Variants in CERK observed in about 807,000 individuals in gnomAD.
CERK encodes ceramide kinase, also known as acylsphingosine kinase.
In CERK, 39 loss-of-function variants were observed where a neutral mutation model predicts 63.4. That is an observed-to-expected ratio of 0.61 (90% CI 0.48 to 0.80). The LOEUF is 0.80. Among genes scored for constraint, CERK ranks in the 30% least tolerant of loss-of-function variants. The pLI, the probability that CERK is intolerant of heterozygous loss-of-function variation, is 0.00. For synonymous variants in CERK, 302 were observed against 280.0 expected (o/e 1.08, Z -0.78); for missense variants, 670 against 714.1 (o/e 0.94, Z 0.70).
chr22:46,717,440 C>A lies in CERK; in HGVS notation c.379+2646G>T, dbSNP rs193091997. Among the ~76,000 whole-genome samples, 49 of 152,344 alleles carry A rather than the reference C, an allele frequency of 3.2e-4. No homozygotes were observed. In the South Asian group the frequency reaches 5.0e-3, roughly 15 times the overall value. On this transcript the variant is annotated intron_variant, in intron 3 of 12. Transcript: ENST00000216264. ...AACATTCACATCACGGAATACCATA[C>A]GGCCTAGAGAATGGACAAACGGCAG...
intron 1 of CERK, among the ~76,000 whole-genome samples, chr22:46,735,004 G>C (rs2082965738): frequency 6.6e-6 from 1 of 152,174 alleles, no homozygotes. Context: ...GACATCCCAA[G>C]TGGGGTTGGT....
At chr22:46,731,716 C>T (rs1340015259) in intron 1 of CERK, among the ~76,000 whole-genome samples, 3 of 152,056 alleles carry the variant, frequency 2.0e-5, no homozygotes, top group East Asian at 1.9e-4. Flanking sequence ...CTGGTGAGCA[C>T]GTGTGCCCCG....
chr22:46,704,975 T>C (rs2146560494), intron 6 of CERK, among the ~76,000 whole-genome samples: 1 of 151,570 alleles, frequency 6.6e-6, no homozygotes, highest in Non-Finnish European at 1.5e-5. Context: ...ATGAAAGAAA[T>C]ACAAATAAAG....
intron 12 of CERK, 29 bp downstream of exon 12, chr22:46,689,962 CG>C (rs763805345): frequency 3.2e-6 from 5 of 1,549,076 alleles, no homozygotes; most frequent in Non-Finnish European, 4.4e-6. Flanking sequence ...AAGGGGATGG[CG>C]CTGGTGGCTG....
chr22:46,693,798 C>G (rs2082743111), intron 9 of CERK: 6 of 388,514 alleles, frequency 1.5e-5, no homozygotes, highest in Non-Finnish European at 2.9e-5. Context: ...CTAACATAGC[C>G]TGGCTGGGAG....
intron 3 of CERK, among the ~76,000 whole-genome samples, chr22:46,713,366 G>A (rs545720936): frequency 4.5e-4 from 69 of 151,650 alleles, no homozygotes; most frequent in African/African-American, 1.6e-3. Context: ...AAAATTAGCC[G>A]GGCGTGGTGG....
At chr22:46,715,500 A>G (rs903636027) in intron 3 of CERK, among the ~76,000 whole-genome samples, 1 of 152,192 alleles carries the variant, frequency 6.6e-6, no homozygotes, top group African/African-American at 2.4e-5. Context: ...CGTAAATGCC[A>G]CAGGGTCAAG....
chr22:46,723,668 T>C (rs2082903641), intron 1 of CERK, among the ~76,000 whole-genome samples: 1 of 151,586 alleles, frequency 6.6e-6, no homozygotes, highest in South Asian at 2.1e-4. Flanking sequence ...CTGAACAACA[T>C]GGGCTTAACC....
intron 9 of CERK, 54 bp from the exon 10 acceptor site, chr22:46,693,557 G>T: frequency 7.1e-7 from 1 of 1,400,774 alleles, no homozygotes; most frequent in Non-Finnish European, 1.0e-6. Context: ...GGTGCAGTGC[G>T]TATGCTTGGC....
intron 12 of CERK, among the ~76,000 whole-genome samples, chr22:46,688,171 A>G (rs1285085050): frequency 1.3e-5 from 2 of 152,140 alleles, no homozygotes; most frequent in Non-Finnish European, 2.9e-5. Flanking sequence ...CTGGGCAACA[A>G]GAGCAAAACT....
chr22:46,725,088 T>C (rs1296604674), intron 1 of CERK, among the ~76,000 whole-genome samples: 2 of 151,876 alleles, frequency 1.3e-5, no homozygotes, highest in African/African-American at 2.4e-5. Flanking sequence ...CTTCAGGCCA[T>C]TGTCCCTGTG....
At chr22:46,695,475 G>A (rs1227635594) in intron 8 of CERK, among the ~76,000 whole-genome samples, 160 bp from the exon 9 acceptor site, 1 of 152,264 alleles carries the variant, frequency 6.6e-6, no homozygotes, top group Non-Finnish European at 1.5e-5. Context: ...CACCATTGAA[G>A]GCAGTGGCAG....
intron 6 of CERK, among the ~76,000 whole-genome samples, chr22:46,707,058 C>T (rs757317610): frequency 2.0e-5 from 3 of 152,050 alleles, no homozygotes; most frequent in African/African-American, 4.8e-5. Context: ...CTCCAACTCT[C>T]GCTCCCATCC....
Position 46,737,939 on chromosome 22 carries a change from C to A in CERK, c.142+68G>T, listed in dbSNP as rs2082983694. ...CGCTCCCTGCACCCGGTCCCCCCAG[C>A]CGGGTCCCCCAAGCCGCCCCCGCTC... is the stretch of plus-strand genomic sequence containing the variant. On this transcript the variant is annotated intron_variant, in intron 1 of 12. Coordinates refer to ENST00000216264, the MANE Select transcript of CERK (RefSeq NM_022766.6). The A allele has an allele frequency of 4.6e-6, 5 of 1,089,150 alleles. No individual in the cohort carries two copies. In the East Asian group the frequency reaches 2.3e-4, roughly 49 times the overall value. The allele number at this position is 1,089,150 out of a possible 1,614,324, so 67.5% of individuals were successfully genotyped here.
At chr22:46,716,278 C>A (rs1471141284) in intron 3 of CERK, among the ~76,000 whole-genome samples, 2 of 151,810 alleles carry the variant, frequency 1.3e-5, no homozygotes, top group South Asian at 2.1e-4. Flanking sequence ...GCAACCTCCA[C>A]CCCCAGGGTT....
intron 12 of CERK, among the ~76,000 whole-genome samples, chr22:46,687,824 G>T (rs2082710909): frequency 6.6e-6 from 1 of 152,182 alleles, no homozygotes. Flanking sequence ...TCCCACACAG[G>T]ACAGCTCTAT....
In CERK at chr22:46,711,120, T is replaced by C; in HGVS notation, c.535A>G (p.Thr179Ala). The C allele has an allele frequency of 6.2e-7, 1 of 1,613,794 alleles. No individual in the cohort carries two copies. Among genetic ancestry groups the C allele is most frequent in the Non-Finnish European group, 8.5e-7 (1 of 1,179,796 alleles). ...TTGTCTATGTTAATCTCATACAGAG[T>C]CTCCTTGGCCTGATTAGCATGTTCA... The part of the protein sequence containing the change: ...VTEHANQAKE[T>A]LYEINIDKYD... Residue 179 changes from threonine (T) to alanine (A), a missense_variant, in exon 5 of 13, where the codon ACT becomes GCT. Coordinates refer to ENST00000216264, the MANE Select transcript of CERK (RefSeq NM_022766.6).
At chr22:46,712,116 A>G (rs2082843999) in intron 4 of CERK, 52 bp downstream of exon 4, 18 of 1,604,918 alleles carry the variant, frequency 1.1e-5, no homozygotes, top group Non-Finnish European at 1.4e-5. Flanking sequence ...TAGTGACTAT[A>G]CTTGAATCAT....
At chr22:46,701,516 G>A (rs2082783774) in intron 7 of CERK, 120 bp downstream of exon 7, 1 of 791,228 alleles carries the variant, frequency 1.3e-6, no homozygotes, top group East Asian at 2.7e-5. Context: ...GACACAGCGT[G>A]ACCCACGGCC....
Sources: allele counts gnomAD v4.1 joint callset (sites outside exome capture counted in the v4.1 genomes callset), GRCh38; gene constraint gnomAD v4.1.1; transcripts MANE v1.5; gene names NCBI Gene and HGNC (gene_info 2026-07-23, HGNC 2026-07-21).